Variants in CDS2 observed in about 807,000 individuals in gnomAD.
The protein encoded by CDS2 is CDP-diacylglycerol synthase 2.
A neutral mutation model predicts 59.0 loss-of-function variants in CDS2; 47 were observed. The observed-to-expected ratio is 0.80, with a 90% CI of 0.63 to 1.02. The LOEUF (loss-of-function observed/expected upper bound fraction) is 1.02. Among genes scored for constraint, CDS2 ranks in the 50% least tolerant of loss-of-function variants. The pLI is 0.00. For missense variants in CDS2, 356 were observed against 558.9 expected, an observed-to-expected ratio of 0.64 and a Z score of 3.66; for synonymous variants, 207 against 206.4, an observed-to-expected ratio of 1.00 and a Z score of -0.02.
rs1406245932 is a variant in CDS2, at chr20:5,189,202, T to TA, written c.1101+17dup. ...TAAAATCAAAGTAGGAAAACCGTCT[T>TA]ACGTTCCTCTCATCTCACTCCCTCA... On this transcript the variant is annotated intron_variant, in intron 11 of 12. Coordinates refer to ENST00000460006, the MANE Select transcript of CDS2 (RefSeq NM_003818.4). The TA allele has an allele frequency of 1.2e-6, 2 of 1,613,950 alleles. No homozygotes were observed. Among genetic ancestry groups the TA allele is most frequent in the East Asian group, 2.2e-5 (1 of 44,866 alleles).
intron 1 of CDS2, chr20:5,128,679 AGT>A (rs2090577522): frequency 6.6e-6 from 1 of 152,240 alleles, no homozygotes; most frequent in Non-Finnish European, 1.5e-5. Context: ...GATACTTTGA[AGT>A]CTCTAATTTT....
chr20:5,172,551 G>C (rs984796279), intron 1 of CDS2, among the ~76,000 whole-genome samples: 1 of 152,168 alleles, frequency 6.6e-6, no homozygotes, highest in Non-Finnish European at 1.5e-5. Context: ...CAGAGGACCT[G>C]GGTTAATATG....
chr20:5,187,251 A>G (rs1296890524), intron 10 of CDS2: 2 of 207,514 alleles, frequency 9.6e-6, no homozygotes, highest in Admixed American at 1.0e-4. Flanking sequence ...CATGCCACAC[A>G]CTCACAGTAC....
At chr20:5,160,204 G>A (rs1250581030) in intron 1 of CDS2, among the ~76,000 whole-genome samples, 3 of 152,188 alleles carry the variant, frequency 2.0e-5, no homozygotes, top group Non-Finnish European at 2.9e-5. Context: ...GGGGAGAGCC[G>A]GCATCTCTGC....
At chr20:5,152,977 A>C (rs2090804398) in intron 1 of CDS2, among the ~76,000 whole-genome samples, 1 of 152,158 alleles carries the variant, frequency 6.6e-6, no homozygotes, top group Non-Finnish European at 1.5e-5. Flanking sequence ...TCATCTGTAA[A>C]AGGTCAGCAA....
chr20:5,188,819 C>T (rs937381800), intron 10 of CDS2, among the ~76,000 whole-genome samples: 34 of 152,250 alleles, frequency 2.2e-4, no homozygotes, highest in African/African-American at 7.7e-4. Context: ...CCAGGGGCTT[C>T]ATCACTTCAT....
At position 5,192,311 on chromosome 20, in the gene CDS2, CATCATGTT is replaced by C. The variant is rs1568547037; in HGVS notation, c.*2078_*2085del. 7.1e-6 allele frequency: 1 copy of C among 141,440 alleles called. No individual in the cohort carries two copies. Among genetic ancestry groups the C allele is most frequent in the Admixed American group, 7.2e-5 (1 of 13,980 alleles). The allele number at this position is 141,440 out of a possible 1,614,324, so 8.8% of individuals were successfully genotyped here. A position where few individuals can be genotyped will look rare whatever the true frequency, so the allele number is the denominator to read the frequency against. On this transcript the variant is annotated 3_prime_UTR_variant, in exon 13 of 13. Transcript: ENST00000460006. Reference sequence around the variant, plus strand: ...GGAGCCGAGCATACTGGGCAAGGCTCATCATGTTCCTTTGTGGAAGTGGTTACTTGGTG... The same window carrying C: ...GGAGCCGAGCATACTGGGCAAGGCTCCCTTTGTGGAAGTGGTTACTTGGTG...
chr20:5,157,829 C>T (rs1359376051), intron 1 of CDS2, among the ~76,000 whole-genome samples: 4 of 152,204 alleles, frequency 2.6e-5, no homozygotes, highest in Non-Finnish European at 4.4e-5. Context: ...AGGATTTCAG[C>T]GTATGAATTT....
chr20:5,189,231 A>G (rs6038087), intron 11 of CDS2, 45 bp downstream of exon 11: 799,766 of 1,608,948 alleles, frequency 0.5, 203,472 homozygotes, highest in African/African-American at 0.69. Context: ...TCCCTCACCC[A>G]TCTTCTGCCT....
At chr20:5,135,427 T>C (rs774471647) in intron 1 of CDS2, among the ~76,000 whole-genome samples, 3 of 151,656 alleles carry the variant, frequency 2.0e-5, no homozygotes, top group Non-Finnish European at 4.4e-5. Flanking sequence ...TAGAGGCTGT[T>C]GGGGGTGAAA....
chr20:5,166,632 C>T (rs2090915527), intron 1 of CDS2, among the ~76,000 whole-genome samples: 1 of 152,160 alleles, frequency 6.6e-6, no homozygotes, highest in African/African-American at 2.4e-5. Flanking sequence ...CTAAAGATGC[C>T]TGGCCAGAGA....
rs147902618 is a variant in CDS2, at chr20:5,135,064, T to G, written c.57+7915T>G. Among the ~76,000 whole-genome samples, 17 of 152,262 alleles carry G rather than the reference T, an allele frequency of 1.1e-4. No individual in the cohort carries two copies. In the East Asian group the frequency reaches 2.9e-3, roughly 26 times the overall value. On this transcript the variant is annotated intron_variant, in intron 1 of 12. Coordinates refer to ENST00000460006, the MANE Select transcript of CDS2 (RefSeq NM_003818.4). ...GAGAAACTCTTTTTAAAATGAATCT[T>G]GTAACTAATTTCTTTTTTGAATTTA...
intron 10 of CDS2, among the ~76,000 whole-genome samples, chr20:5,188,592 C>T (rs1321084390): frequency 2.0e-5 from 3 of 152,052 alleles, no homozygotes; most frequent in Non-Finnish European, 4.4e-5. Flanking sequence ...TAAAGAGTTA[C>T]GAGGTTGGAT....
intron 1 of CDS2, among the ~76,000 whole-genome samples, chr20:5,146,281 A>C (rs1265442132): frequency 6.6e-6 from 1 of 152,224 alleles, no homozygotes; most frequent in Non-Finnish European, 1.5e-5. Flanking sequence ...TCTTGGCATT[A>C]AGATAGGCAG....
At position 5,191,768 on chromosome 20, in the gene CDS2, T is replaced by C. The variant is rs2091116740; in HGVS notation, c.*1534T>C. ...CATATGTGTGTGGGGCTGAAGCGGC[T>C]TCTTTCCGCTGAACTTTTATTTCCA... On this transcript the variant is annotated 3_prime_UTR_variant, in exon 13 of 13. Coordinates refer to ENST00000460006, the MANE Select transcript of CDS2 (RefSeq NM_003818.4). 1 of 152,238 alleles carries C rather than the reference T, an allele frequency of 6.6e-6. No individual in the cohort carries two copies. Among genetic ancestry groups the C allele is most frequent in the African/African-American group, 2.4e-5 (1 of 41,456 alleles). 9.4% of individuals were successfully genotyped at this position (152,238 alleles called of 1,614,324 possible). A position where few individuals can be genotyped will look rare whatever the true frequency, so the allele number is the denominator to read the frequency against.
In CDS2 at chr20:5,182,400, T is replaced by A. The variant is rs760939231; in HGVS notation, c.543T>A (p.Phe181Leu). The A allele has an allele frequency of 6.2e-7, 1 of 1,611,650 alleles. No homozygotes were observed. Residue 181 changes from phenylalanine (F) to leucine (L), a missense_variant, in exon 6 of 13, where the codon TTT (phenylalanine) becomes TTA (leucine). This residue lies in a region of CDS2 where 87 missense variants were observed against 193.3 expected (regional missense o/e 0.45). Transcript: ENST00000460006. ...FTLYLIGFCM[F>L]VLSLVKKHYR... ...ACCTCAAACTAGGATTCTGCATGTT[T>A]GTACTGAGTCTGGTCAAGAAGCATT...
intron 1 of CDS2, among the ~76,000 whole-genome samples, chr20:5,127,818 G>C (rs998045177): frequency 3.9e-5 from 6 of 152,144 alleles, no homozygotes; most frequent in Admixed American, 1.3e-4. Flanking sequence ...TGACGGGTGG[G>C]GGAGTGGACT....
Position 5,127,053 on chromosome 20 carries a change from C to T in CDS2, c.-40C>T, listed in dbSNP as rs768390346. On this transcript the variant is annotated 5_prime_UTR_variant, in exon 1 of 13. Coordinates refer to ENST00000460006, the MANE Select transcript of CDS2 (RefSeq NM_003818.4). ...GCCGAGCTGCCTGCTCCGGCGGCTT[C>T]GCTGCTAGCTCGCGGCGACGTCGGG... 5.4e-6 allele frequency: 8 copies of T among 1,481,136 alleles called. No homozygotes were observed. The African/African-American group carries it at 8.8e-5, about 16-fold the overall frequency. The allele number at this position is 1,481,136 out of a possible 1,614,324, so 91.7% of individuals were successfully genotyped here.
chr20:5,161,288 T>G (rs1474172438), intron 1 of CDS2, among the ~76,000 whole-genome samples: 1 of 152,254 alleles, frequency 6.6e-6, no homozygotes, highest in African/African-American at 2.4e-5. Flanking sequence ...CAGTTTAAAT[T>G]TAATTAAAAA....
Sources: allele counts gnomAD v4.1 joint callset (sites outside exome capture counted in the v4.1 genomes callset), GRCh38; gene constraint gnomAD v4.1.1; regional missense constraint gnomAD v4.1.1; transcripts MANE v1.5; gene names NCBI Gene and HGNC (gene_info 2026-07-23, HGNC 2026-07-21).